LRP1B: variants seen among roughly 807,000 people sequenced by gnomAD.
LRP1B encodes the protein LDL receptor related protein 1B, also known as low-density lipoprotein receptor-related protein 1B.
Under a neutral mutation model 556.6 loss-of-function variants are expected in LRP1B, and 217 were observed. The ratio of observed to expected loss-of-function variants is 0.39; its 90% CI spans 0.35 to 0.44. LRP1B has a LOEUF of 0.44. Among genes scored for constraint, LRP1B ranks in the 20% least tolerant of loss-of-function variants. The pLI, the probability that LRP1B is intolerant of heterozygous loss-of-function variation, is 1.00. For synonymous variants in LRP1B, 2,047 were observed against 1,865.8 expected (o/e 1.10, Z -2.50); for missense variants, 5,053 against 5,620.8 (o/e 0.90, Z 3.23).
chr2:141,444,435 T>C (rs1320167467), intron 3 of LRP1B, among the ~76,000 whole-genome samples: 2 of 152,202 alleles, frequency 1.3e-5, no homozygotes, highest in Middle Eastern at 3.2e-3. Context: ...ACTTGCCTGA[T>C]TGTCTTGGCC....
At chr2:140,448,321 G>T (rs1377032205) in intron 63 of LRP1B, among the ~76,000 whole-genome samples, 1 of 152,072 alleles carries the variant, frequency 6.6e-6, no homozygotes, top group South Asian at 2.1e-4. Flanking sequence ...TTTGCTGCAG[G>T]TTTATTCACA....
At chr2:141,725,698 T>G (rs1693003322) in intron 2 of LRP1B, among the ~76,000 whole-genome samples, 1 of 151,842 alleles carries the variant, frequency 6.6e-6, no homozygotes, top group Admixed American at 6.6e-5. Flanking sequence ...TTAGAATGGA[T>G]TTTCTCTTTG....
intron 83 of LRP1B, among the ~76,000 whole-genome samples, chr2:140,304,395 TTC>T (rs1241588122): frequency 3.7e-4 from 56 of 152,204 alleles, no homozygotes; most frequent in African/African-American, 1.2e-3. Flanking sequence ...TGATTTGTAT[TTC>T]TCTGATGGCC....
At chr2:140,711,075 T>C (rs547338454) in intron 37 of LRP1B, among the ~76,000 whole-genome samples, 2 of 152,196 alleles carry the variant, frequency 1.3e-5, no homozygotes, top group East Asian at 1.9e-4. Context: ...GACATTTATA[T>C]CCAGAATAAA....
chr2:141,420,259 C>T (rs188179202), intron 3 of LRP1B, among the ~76,000 whole-genome samples: 1 of 152,190 alleles, frequency 6.6e-6, no homozygotes, highest in African/African-American at 2.4e-5. Context: ...AATTATATAA[C>T]GTCCTTATCT....
chr2:142,123,721 T>C (rs1707540392), intron 1 of LRP1B, among the ~76,000 whole-genome samples: 1 of 151,480 alleles, frequency 6.6e-6, no homozygotes, highest in Admixed American at 6.6e-5. Flanking sequence ...GAAAAGGTAC[T>C]TTCTCAACTT....
rs368066241 is a variant in LRP1B at position 140,859,920 on chromosome 2, G to A, written c.4579+7670C>T. ...TGAGGCAGGAGAATGGTGTGAACCC[G>A]GGAGGCGGAGCTTGCAGTGAGCGGA... is the stretch of plus-strand genomic sequence containing the variant. On this transcript the variant is annotated intron_variant, in intron 27 of 90. Coordinates refer to ENST00000389484, the MANE Select transcript of LRP1B (RefSeq NM_018557.3). 3.5e-4 allele frequency among the ~76,000 whole-genome samples: 54 copies of A among 152,130 alleles called. No homozygotes were observed. In the South Asian group the frequency reaches 6.0e-3, roughly 17 times the overall value.
intron 41 of LRP1B, among the ~76,000 whole-genome samples, chr2:140,660,086 T>C (rs1685036640): frequency 6.6e-6 from 1 of 152,040 alleles, no homozygotes; most frequent in South Asian, 2.1e-4. Flanking sequence ...AAAGTGTATA[T>C]TATTAGAAAT....
chr2:141,804,804 G>T (rs978274523), intron 2 of LRP1B, among the ~76,000 whole-genome samples: 1 of 152,024 alleles, frequency 6.6e-6, no homozygotes, highest in African/African-American at 2.4e-5. Context: ...CATTTCCATT[G>T]TACAGATGGG....
At chr2:142,031,640 TA>T (rs892700789) in intron 1 of LRP1B, among the ~76,000 whole-genome samples, 8 of 138,600 alleles carry the variant, frequency 5.8e-5, no homozygotes, top group African/African-American at 1.6e-4. Context: ...TTGTCATTTC[TA>T]AAAAAAAAAT....
chr2:141,063,018 A>T (rs1699384039), intron 7 of LRP1B, among the ~76,000 whole-genome samples: 1 of 151,870 alleles, frequency 6.6e-6, no homozygotes, highest in South Asian at 2.1e-4. Flanking sequence ...ATGTAACTCC[A>T]ACACTTCAGT....
intron 2 of LRP1B, among the ~76,000 whole-genome samples, chr2:141,512,081 A>G (rs764580109): frequency 1.3e-5 from 2 of 152,216 alleles, no homozygotes; most frequent in Non-Finnish European, 2.9e-5. Context: ...TTACTACAGA[A>G]GAGTACATTA....
chr2:142,081,843 A>C (rs1462632249), intron 1 of LRP1B, among the ~76,000 whole-genome samples: 1 of 152,168 alleles, frequency 6.6e-6, no homozygotes, highest in Non-Finnish European at 1.5e-5. Flanking sequence ...TGAAACTCTC[A>C]ACCCACTTAA....
At chr2:142,020,270 T>C (rs1703288481) in intron 1 of LRP1B, among the ~76,000 whole-genome samples, 1 of 152,126 alleles carries the variant, frequency 6.6e-6, no homozygotes, top group Admixed American at 6.5e-5. Context: ...AAGGATGATA[T>C]GAAGGTCCAG....
intron 6 of LRP1B, among the ~76,000 whole-genome samples, chr2:141,210,210 C>T (rs574447850): frequency 8.4e-4 from 126 of 150,732 alleles, no homozygotes; most frequent in African/African-American, 2.9e-3. Context: ...TCGTAAACAT[C>T]GCTACAAGAT....
In LRP1B at chr2:141,062,323, C is replaced by G. The variant is rs192321836; in HGVS notation, c.1014-50G>C. ...AAGTGGAGGGTGGGGGAGGGAAGCA[C>G]GTTTGATGGAGCCATCTGTAAAAAA... On this transcript the variant is annotated intron_variant, in intron 7 of 90. Coordinates refer to ENST00000389484, the MANE Select transcript of LRP1B (RefSeq NM_018557.3). The G allele has an allele frequency of 8.8e-6, 11 of 1,243,784 alleles. No homozygotes were observed. In the African/African-American group the frequency reaches 1.4e-4, roughly 15 times the overall value. The allele number at this position is 1,243,784 out of a possible 1,614,324, so 77.0% of individuals were successfully genotyped here.
intron 7 of LRP1B, among the ~76,000 whole-genome samples, chr2:141,065,043 A>C (rs1458234556): frequency 6.6e-6 from 1 of 151,918 alleles, no homozygotes; most frequent in Non-Finnish European, 1.5e-5. Context: ...CCTTATCCTT[A>C]GTCTTTGCCG....
chr2:141,065,263 C>A (rs1283602331), intron 7 of LRP1B, among the ~76,000 whole-genome samples: 1 of 151,920 alleles, frequency 6.6e-6, no homozygotes, highest in Non-Finnish European at 1.5e-5. Context: ...TTCCTAAACA[C>A]TTCAGCATCC....
At chr2:140,342,156 T>C (rs140887632) in intron 77 of LRP1B, among the ~76,000 whole-genome samples, 3 of 151,594 alleles carry the variant, frequency 2.0e-5, no homozygotes, top group African/African-American at 7.2e-5. Flanking sequence ...AATTATTCTT[T>C]CAACTTTCAT....
Sources: allele counts gnomAD v4.1 joint callset (sites outside exome capture counted in the v4.1 genomes callset), GRCh38; gene constraint gnomAD v4.1.1; transcripts MANE v1.5; gene names NCBI Gene and HGNC (gene_info 2026-07-23, HGNC 2026-07-21).